The following AFDN variants were observed in gnomAD, a reference collection of about 807,000 sequenced individuals.
AFDN encodes afadin.
AFDN carries 68 observed loss-of-function variants against 216.6 expected under a neutral mutation model. The observed-to-expected ratio is 0.31, with a 90% confidence interval of 0.26 to 0.38. The LOEUF is 0.38. Ranked by LOEUF, AFDN falls within the 10% of genes least tolerant of loss-of-function variation. The pLI is 1.00. For missense variants in AFDN, 2,136 were observed against 2,342.0 expected (o/e 0.91, Z 1.82); for synonymous variants, 868 against 853.7 (o/e 1.02, Z -0.29).
intron 4 of AFDN, among the ~76,000 whole-genome samples, chr6:167,873,510 T>A (rs182603191): frequency 6.6e-6 from 1 of 152,254 alleles, no homozygotes; most frequent in Non-Finnish European, 1.5e-5. Flanking sequence ...TTCCAGTGAA[T>A]ATCCTTGTTC....
At chr6:167,924,761 A>G (rs1392009679) in intron 22 of AFDN, among the ~76,000 whole-genome samples, 1 of 152,244 alleles carries the variant, frequency 6.6e-6, no homozygotes, top group African/African-American at 2.4e-5. Context: ...CTTCAAATCA[A>G]TTTAAATAGC....
intron 26 of AFDN, among the ~76,000 whole-genome samples, chr6:167,945,163 AT>A (rs35415490): frequency 4.7e-5 from 7 of 150,088 alleles, no homozygotes; most frequent in Admixed American, 2.0e-4. Context: ...GTGATTTTCT[AT>A]TTTTTTTTTA....
intron 23 of AFDN, among the ~76,000 whole-genome samples, chr6:167,926,297 C>T (rs1453844641): frequency 3.3e-5 from 5 of 152,184 alleles, no homozygotes; most frequent in Non-Finnish European, 5.9e-5. Context: ...TTGCAGCGAA[C>T]AAGTGCAGAA....
At chr6:167,859,583 G>T (rs1201949993) in intron 1 of AFDN, among the ~76,000 whole-genome samples, 1 of 152,178 alleles carries the variant, frequency 6.6e-6, no homozygotes, top group African/African-American at 2.4e-5. Context: ...GTTTTAGAAA[G>T]AATGATTCTG....
At chr6:167,841,845 T>G (rs1481658580) in intron 1 of AFDN, among the ~76,000 whole-genome samples, 1 of 152,150 alleles carries the variant, frequency 6.6e-6, no homozygotes. Flanking sequence ...ATGCCTTTCT[T>G]CTTTTGAGAT....
Position 167,929,653 on chromosome 6 carries a change from C to T in AFDN, c.3099+4562C>T, listed in dbSNP as rs117500439. On this transcript the variant is annotated intron_variant, in intron 23 of 33. Coordinates refer to ENST00000683244, the MANE Select transcript of AFDN (RefSeq NM_001386888.1). ...TATTTGGCATCCTTGTCTCACTCTC[C>T]CATGCATGGCTTTGCTGCCTCCGTG... 4.1e-3 allele frequency among the ~76,000 whole-genome samples: 624 copies of T among 152,296 alleles called. 5 individuals carry two copies. Among genetic ancestry groups the T allele is most frequent in the Middle Eastern group, 0.024 (7 of 294 alleles).
At chr6:167,832,052 T>A (rs981578973) in intron 1 of AFDN, among the ~76,000 whole-genome samples, 11 of 152,350 alleles carry the variant, frequency 7.2e-5, no homozygotes, top group African/African-American at 2.6e-4. Flanking sequence ...TTTCTGCTGT[T>A]GTTCAAATGT....
In AFDN at chr6:167,944,067, C is replaced by A; in HGVS notation, c.3358+8C>A. ...CCCCCATGATGCAGAGAAGTAAGGACCAGTAGGGAAACAACAGTGTTTTAC... is the reference window on the plus strand; with the variant it reads ...CCCCCATGATGCAGAGAAGTAAGGAACAGTAGGGAAACAACAGTGTTTTAC... On this transcript the variant is annotated splice_region_variant and intron_variant, in intron 26 of 33. Transcript: ENST00000683244. 2 of 1,602,372 alleles carry A rather than the reference C, an allele frequency of 1.2e-6. No individual in the cohort carries two copies. The highest frequency in any genetic ancestry group is 2.2e-5 in the South Asian group (2 of 90,780).
intron 12 of AFDN, among the ~76,000 whole-genome samples, chr6:167,906,020 G>A (rs1056424575): frequency 7.2e-5 from 11 of 152,244 alleles, no homozygotes; most frequent in South Asian, 2.1e-4. Flanking sequence ...GGAGAATGGC[G>A]TGAACCTGGG....
intron 1 of AFDN, among the ~76,000 whole-genome samples, chr6:167,843,210 A>G (rs1305265133): frequency 1.3e-5 from 2 of 152,198 alleles, no homozygotes; most frequent in African/African-American, 4.8e-5. Flanking sequence ...AGTCCATTCT[A>G]TACTCAAATG....
At chr6:167,868,977 T>G (rs2128242070) in intron 2 of AFDN, among the ~76,000 whole-genome samples, 1 of 151,916 alleles carries the variant, frequency 6.6e-6, no homozygotes, top group South Asian at 2.1e-4. Flanking sequence ...GATCTTGCCA[T>G]GTTGCCCAGG....
chr6:167,841,260 T>G (rs1367741196), intron 1 of AFDN, among the ~76,000 whole-genome samples: 3 of 152,164 alleles, frequency 2.0e-5, no homozygotes, highest in African/African-American at 7.2e-5. Context: ...TTGAGGTACT[T>G]GTGGATTTCC....
chr6:167,868,762 CTTT>C (rs35300672), intron 2 of AFDN, among the ~76,000 whole-genome samples: 1 of 122,548 alleles, frequency 8.2e-6, no homozygotes, highest in Non-Finnish European at 1.6e-5. Flanking sequence ...ATTGTGCAAT[CTTT>C]TTTTTTTTTT....
chr6:167,855,032 G>C (rs914366642), intron 1 of AFDN, among the ~76,000 whole-genome samples: 6 of 151,810 alleles, frequency 4.0e-5, no homozygotes, highest in Admixed American at 3.3e-4. Flanking sequence ...GAGAAATTCT[G>C]TTTTGAAAAA....
At chr6:167,905,597 C>T (rs995260869) in intron 12 of AFDN, among the ~76,000 whole-genome samples, 1 of 152,070 alleles carries the variant, frequency 6.6e-6, no homozygotes, top group Non-Finnish European at 1.5e-5. Context: ...TGTCTCCACA[C>T]ACACCTTTCT....
chr6:167,911,576 A>C, intron 15 of AFDN, 87 bp downstream of exon 15: 30 of 1,182,206 alleles, frequency 2.5e-5, no homozygotes, highest in Non-Finnish European at 3.3e-5. Flanking sequence ...AAGGCTTCTC[A>C]TTTGGTTACA....
chr6:167,862,861 C>T (rs181781679), intron 1 of AFDN, among the ~76,000 whole-genome samples: 6 of 152,286 alleles, frequency 3.9e-5, no homozygotes, highest in African/African-American at 7.2e-5. Flanking sequence ...TCTCAGGTCT[C>T]GCACCCAAAA....
Position 167,971,097 on chromosome 6 carries a change from T to C in AFDN, c.*1162T>C, listed in dbSNP as rs999402427. Reference sequence around the variant, plus strand: ...TGGGGAGACGGACCTCAGTGTGTTTTATATTGTCTGGTGTTAAGATGATAA... The same window carrying C: ...TGGGGAGACGGACCTCAGTGTGTTTCATATTGTCTGGTGTTAAGATGATAA... On this transcript the variant is annotated 3_prime_UTR_variant, in exon 34 of 34. Coordinates refer to ENST00000683244, the MANE Select transcript of AFDN (RefSeq NM_001386888.1). 1.8e-5 allele frequency: 4 copies of C among 221,232 alleles called. No homozygotes were observed. The highest frequency in any genetic ancestry group is 3.7e-4 in the South Asian group (2 of 5,428). 13.7% of individuals were successfully genotyped at this position (221,232 alleles called of 1,614,324 possible). A position where few individuals can be genotyped will look rare whatever the true frequency, so the allele number is the denominator to read the frequency against.
At position 167,827,141 on chromosome 6, in the gene AFDN, G is replaced by C. The variant is rs1429388981; in HGVS notation, c.9G>C (p.Ala3=). 3 of 1,288,098 alleles carry C rather than the reference G, an allele frequency of 2.3e-6. No individual in the cohort carries two copies. In the Admixed American group the frequency reaches 7.9e-5, roughly 34 times the overall value. The allele number at this position is 1,288,098 out of a possible 1,614,324, so 79.8% of individuals were successfully genotyped here. MS[A]GGRDEERRKL... ...GAGGCGCGGCCAGGACCATGTCGGCGGGCGGCCGTGACGAGGAGCGGCGGA... is the reference window on the plus strand; with the variant it reads ...GAGGCGCGGCCAGGACCATGTCGGCCGGCGGCCGTGACGAGGAGCGGCGGA... Residue 3 remains alanine, a synonymous_variant, in exon 1 of 34, where the codon GCG becomes GCC. Transcript: ENST00000683244.
Sources: gnomAD v4.1 joint callset for allele counts (sites outside exome capture counted in the v4.1 genomes callset) on GRCh38, gnomAD v4.1.1 for gene constraint, MANE v1.5 for transcripts, NCBI Gene and HGNC (gene_info 2026-07-23, HGNC 2026-07-21) for gene names.